FBXO15: variants seen among roughly 807,000 people sequenced by gnomAD.
FBXO15 encodes the protein F-box only protein 15.
FBXO15 carries 30 observed loss-of-function variants against 49.5 expected under a neutral mutation model. The ratio of observed to expected loss-of-function variants is 0.61; its 90% CI spans 0.45 to 0.82. FBXO15 has a LOEUF of 0.82. Among genes scored for constraint, FBXO15 ranks in the 40% least tolerant of loss-of-function variants. The pLI is 0.00. For synonymous variants in FBXO15, 250 were observed against 232.7 expected, an observed-to-expected ratio of 1.07 and a Z score of -0.68; for missense variants, 591 against 631.5, an observed-to-expected ratio of 0.94 and a Z score of 0.69.
At position 74,147,744 on chromosome 18, in the gene FBXO15, G is replaced by T; in HGVS notation, c.42C>A (p.Leu14=). The change falls in exon 1 of 10, where the codon CTC becomes CTA. Residue 14 remains leucine (L), a synonymous_variant. Coordinates refer to ENST00000419743, the MANE Select transcript of FBXO15 (RefSeq NM_001142958.2). ...TGGGCCCGCGCAGCGTCTGGAGGCC[G>T]AGCCAGTGCTGCTGCAAGATCCGAC... ...GRGRILQQHW[L]GLQTLRGPSR... The T allele has an allele frequency of 6.5e-7, 1 of 1,536,990 alleles. No homozygotes were observed. Among genetic ancestry groups the T allele is most frequent in the Non-Finnish European group, 8.7e-7 (1 of 1,143,464 alleles).
chr18:74,108,544 A>G (rs1156633515), intron 8 of FBXO15, among the ~76,000 whole-genome samples: 7 of 152,044 alleles, frequency 4.6e-5, no homozygotes, highest in Non-Finnish European at 1.0e-4. Flanking sequence ...ACAGAACAGA[A>G]TATCCAATAA....
chr18:74,147,721 G>C lies in FBXO15; in HGVS notation c.65C>G (p.Pro22Arg), dbSNP rs759404622. Residue 22 changes from proline (P) to arginine (R), a missense_variant, in exon 1 of 10, where the codon CCC (proline) becomes CGC (arginine). Pro to Arg is a moderately radical substitution (Grantham distance 103). Transcript: ENST00000419743. ...CCGGGCCGCGCCACCGCCCCTGCTG[G>C]GCCCGCGCAGCGTCTGGAGGCCGAG... ...HWLGLQTLRGPSRGGGAARGR... is the reference protein window; with the variant it reads ...HWLGLQTLRGRSRGGGAARGR... 125 of 1,533,818 alleles carry C rather than the reference G, an allele frequency of 8.1e-5. No individual in the cohort carries two copies. Among genetic ancestry groups the C allele is most frequent in the Non-Finnish European group, 1.0e-4 (118 of 1,142,468 alleles).
intron 1 of FBXO15, among the ~76,000 whole-genome samples, chr18:74,147,342 G>A (rs949504472): frequency 1.1e-4 from 16 of 152,128 alleles, no homozygotes; most frequent in Non-Finnish European, 1.6e-4. Context: ...AGGCAGGGGC[G>A]GAGCACACGT....
intron 8 of FBXO15, among the ~76,000 whole-genome samples, chr18:74,110,256 T>C (rs960737401): frequency 5.4e-5 from 8 of 148,488 alleles, no homozygotes; most frequent in African/African-American, 2.0e-4. Flanking sequence ...ATACAAAGAT[T>C]GGGAGGGAGG....
chr18:74,101,352 C>T (rs1011947471), intron 8 of FBXO15, among the ~76,000 whole-genome samples: 2 of 152,022 alleles, frequency 1.3e-5, no homozygotes, highest in African/African-American at 4.8e-5. Flanking sequence ...TGACAAAATG[C>T]AGCATGGCTT....
intron 4 of FBXO15, 32 bp from the exon 5 acceptor site, chr18:74,129,646 G>T: frequency 1.3e-6 from 2 of 1,546,252 alleles, no homozygotes; most frequent in Admixed American, 1.9e-5. Context: ...AACAATGTTT[G>T]CCTCATTGAA....
intron 9 of FBXO15, among the ~76,000 whole-genome samples, chr18:74,080,517 T>A (rs528126665): frequency 6.6e-6 from 1 of 152,250 alleles, no homozygotes; most frequent in African/African-American, 2.4e-5. Flanking sequence ...AAGCTGTTTT[T>A]CTAAACACCT....
At chr18:74,135,737 AAC>A in intron 3 of FBXO15, 23 bp downstream of exon 3, 1 of 1,557,224 alleles carries the variant, frequency 6.4e-7, no homozygotes, top group Non-Finnish European at 8.7e-7. Flanking sequence ...ATCAAAACAT[AAC>A]AGAGACTTGG....
intron 1 of FBXO15, among the ~76,000 whole-genome samples, chr18:74,146,859 G>A (rs1022492290): frequency 6.6e-6 from 1 of 152,038 alleles, no homozygotes; most frequent in Admixed American, 6.6e-5. Flanking sequence ...TTATTAGAAG[G>A]CAAAATATGC....
At chr18:74,103,643 G>A (rs9950571) in intron 8 of FBXO15, among the ~76,000 whole-genome samples, 40,128 of 151,850 alleles carry the variant, frequency 0.26, 7,805 homozygotes, top group African/African-American at 0.54. Context: ...AGCAAATAAC[G>A]TAAAAGAGCA....
chr18:74,078,407 C>T (rs1264548554), intron 9 of FBXO15: 1 of 151,668 alleles, frequency 6.6e-6, no homozygotes, highest in African/African-American at 2.4e-5. Context: ...GCTAGCCCAC[C>T]CCAGGCAGGA....
Position 74,129,435 on chromosome 18 carries a change from G to A in FBXO15, c.755C>T (p.Thr252Ile), listed in dbSNP as rs556444226. 1 of 1,613,890 alleles carries A rather than the reference G, an allele frequency of 6.2e-7. No homozygotes were observed. The highest frequency in any genetic ancestry group is 1.1e-5 in the South Asian group (1 of 91,054). The change falls in exon 5 of 10, where the codon ACC becomes ATC. Residue 252 changes from threonine to isoleucine, a missense_variant. Physicochemically the swap from Thr to Ile is moderately conservative, Grantham distance 89. Coordinates refer to ENST00000419743, the MANE Select transcript of FBXO15 (RefSeq NM_001142958.2). The stretch of plus-strand genomic sequence containing the variant: ...TTTGGTGGGAGTTTTATACCAGTCG[G>A]TAAAAACTGGTGTCATGCCACATAA... ...LDLCGMTPVF[T>I]DWYKTPTKHR...
chr18:74,138,038 G>A (rs543157869), intron 2 of FBXO15, among the ~76,000 whole-genome samples: 62 of 152,052 alleles, frequency 4.1e-4, no homozygotes, highest in African/African-American at 1.3e-3. Context: ...CTCAGCCTCC[G>A]GTTCCTGCCT....
intron 5 of FBXO15, among the ~76,000 whole-genome samples, chr18:74,129,029 G>C (rs546842076): frequency 6.6e-6 from 1 of 152,128 alleles, no homozygotes; most frequent in South Asian, 2.1e-4. Context: ...TCATAATTAT[G>C]ACTTGGTTTC....
At chr18:74,077,032 AC>A (rs1912282894) in intron 9 of FBXO15, among the ~76,000 whole-genome samples, 1 of 152,158 alleles carries the variant, frequency 6.6e-6, no homozygotes, top group Admixed American at 6.5e-5. Context: ...GGGCAGAAAC[AC>A]CAGTGTGTTG....
intron 8 of FBXO15, among the ~76,000 whole-genome samples, chr18:74,092,533 T>G (rs1469700674): frequency 6.6e-6 from 1 of 152,158 alleles, no homozygotes. Flanking sequence ...GAAGTTGCTG[T>G]CCTTTGGATA....
intron 1 of FBXO15, among the ~76,000 whole-genome samples, chr18:74,145,742 C>T (rs1256135991): frequency 6.6e-6 from 1 of 152,060 alleles, no homozygotes; most frequent in Admixed American, 6.5e-5. Context: ...AGCCTACAGG[C>T]GCCCGCCACC....
intron 8 of FBXO15, among the ~76,000 whole-genome samples, chr18:74,110,164 C>CATATATATAT (rs61486308): frequency 6.9e-5 from 9 of 129,580 alleles, no homozygotes; most frequent in Admixed American, 6.8e-4. Context: ...CATATGTGTG[C>CATATATATAT]ATATATATAT....
At chr18:74,136,062 A>T in intron 2 of FBXO15, among the ~76,000 whole-genome samples, 196 bp from the exon 3 acceptor site, 1 of 152,232 alleles carries the variant, frequency 6.6e-6, no homozygotes, top group East Asian at 1.9e-4. Context: ...AATTCTCATG[A>T]CATAAACCAT....
Sources: gnomAD v4.1 joint callset for allele counts (sites outside exome capture counted in the v4.1 genomes callset) on GRCh38, gnomAD v4.1.1 for gene constraint, MANE v1.5 for transcripts, NCBI Gene and HGNC (gene_info 2026-07-23, HGNC 2026-07-21) for gene names.